The following SCN9A variants were observed in gnomAD, a reference collection of about 807,000 sequenced individuals.
The protein encoded by SCN9A is sodium voltage-gated channel alpha subunit 9.
Under a neutral mutation model 187.0 loss-of-function variants are expected in SCN9A, and 131 were observed. That is an observed-to-expected ratio of 0.70 (90% CI 0.61 to 0.81). The LOEUF is 0.81. SCN9A is among the 30% of genes least tolerant of loss of function. SCN9A has a pLI of 0.00. For synonymous variants in SCN9A, 809 were observed against 808.6 expected (o/e 1.00, Z -0.01); for missense variants, 2,252 against 2,396.6 (o/e 0.94, Z 1.26).
chr2:166,250,714 T>A (rs115731602), intron 18 of SCN9A, among the ~76,000 whole-genome samples: 2,117 of 151,960 alleles, frequency 0.014, 48 homozygotes, highest in African/African-American at 0.048. Context: ...TAGAAGGAGG[T>A]ACTGTTACAA....
At chr2:166,338,008 A>G (rs150590478) in intron 1 of SCN9A, among the ~76,000 whole-genome samples, 281 of 152,252 alleles carry the variant, frequency 1.8e-3, no homozygotes, top group African/African-American at 6.4e-3. Flanking sequence ...GAAGAGGTCT[A>G]TGGACTACTT....
chr2:166,228,247 CTTTTTTTTT>C (rs33924683), intron 22 of SCN9A, among the ~76,000 whole-genome samples: 1 of 85,970 alleles, frequency 1.2e-5, no homozygotes, highest in African/African-American at 4.6e-5. Flanking sequence ...AAGACCAACA[CTTTTTTTTT>C]TTTTTTTTTT....
intron 5 of SCN9A, 61 bp from the exon 6 acceptor site, chr2:166,304,390 C>T: frequency 7.7e-6 from 11 of 1,425,812 alleles, no homozygotes; most frequent in Non-Finnish European, 1.1e-5. Flanking sequence ...TTACCTGAGC[C>T]TTTAGTCAAG....
intron 1 of SCN9A, among the ~76,000 whole-genome samples, chr2:166,370,475 G>A (rs1037442957): frequency 4.0e-5 from 6 of 151,128 alleles, no homozygotes; most frequent in Non-Finnish European, 7.4e-5. Context: ...CCCAGGACGC[G>A]GAGCTTGCAG....
chr2:166,233,364 G>T lies in SCN9A; in HGVS notation c.3900C>A (p.Ala1300=). The T allele has an allele frequency of 6.4e-7, 1 of 1,554,458 alleles. No homozygotes were observed. The highest frequency in any genetic ancestry group is 2.0e-5 in the Admixed American group (1 of 49,076). Residue 1300 remains alanine (A), a synonymous_variant, in exon 21 of 27, where the codon GCC becomes GCA. Coordinates refer to ENST00000642356, the MANE Select transcript of SCN9A (RefSeq NM_001365536.1). ...RTLRALRPLR[A]LSRFEGMRVV... ...CCCTCATTCCTTCAAATCTAGATAA[G>T]GCTCTTAGAGGTCTTAAAGCTCTCA...
In SCN9A at chr2:166,210,254, A is replaced by G. The variant is rs182065949; in HGVS notation, c.4399-5790T>C. ...TCTCACTCATAGGTGGGAATTGAAC[A>G]ATGAGAACACATGGACACAGGAAGG... On this transcript the variant is annotated intron_variant, in intron 24 of 26. Transcript: ENST00000642356. Among the ~76,000 whole-genome samples the G allele has an allele frequency of 3.9e-3, 591 of 152,140 alleles. 4 individuals carry two copies. Among genetic ancestry groups the G allele is most frequent in the African/African-American group, 0.014 (566 of 41,500 alleles).
At chr2:166,205,929 G>C (rs527702216) in intron 24 of SCN9A, among the ~76,000 whole-genome samples, 1 of 152,188 alleles carries the variant, frequency 6.6e-6, no homozygotes, top group Non-Finnish European at 1.5e-5. Context: ...ATCATCACTG[G>C]TCATCAGAGA....
At chr2:166,368,601 C>G (rs541702079) in intron 1 of SCN9A, among the ~76,000 whole-genome samples, 3 of 151,140 alleles carry the variant, frequency 2.0e-5, no homozygotes, top group Admixed American at 2.0e-4. Context: ...CCACTGCACT[C>G]CAGCCTGGGC....
At chr2:166,278,718 G>C (rs1429732230) in intron 14 of SCN9A, among the ~76,000 whole-genome samples, 1 of 151,506 alleles carries the variant, frequency 6.6e-6, no homozygotes, top group South Asian at 2.1e-4. Flanking sequence ...TTTTTTTTCT[G>C]ATCTGACTAC....
At chr2:166,249,578 G>A (rs1695945412) in intron 18 of SCN9A, among the ~76,000 whole-genome samples, 1 of 152,024 alleles carries the variant, frequency 6.6e-6, no homozygotes, top group Non-Finnish European at 1.5e-5. Flanking sequence ...AATGGTCCAA[G>A]CCCAGGTTCA....
rs1232643540 is a variant in SCN9A, at chr2:166,294,605, T to C, written c.959A>G (p.Asp320Gly). Reference sequence around the variant, plus strand: ...GAAAACAAATATTACATACCCTGAATCTGTGCTGAAACCACAAAGGAGAGC... The same window carrying C: ...GAAAACAAATATTACATACCCTGAACCTGTGCTGAAACCACAAAGGAGAGC... ...KDALLCGFST[D>G]SGQCPEGYTC... The change falls in exon 8 of 27, where the codon GAT becomes GGT. Residue 320 changes from aspartate (D) to glycine (G), a missense_variant. Coordinates refer to ENST00000642356, the MANE Select transcript of SCN9A (RefSeq NM_001365536.1). The C allele has an allele frequency of 6.2e-7, 1 of 1,609,482 alleles. No individual in the cohort carries two copies. Among genetic ancestry groups the C allele is most frequent in the Admixed American group, 1.7e-5 (1 of 59,882 alleles).
intron 1 of SCN9A, among the ~76,000 whole-genome samples, chr2:166,371,796 C>T (rs1194079015): frequency 6.6e-6 from 1 of 151,988 alleles, no homozygotes; most frequent in Non-Finnish European, 1.5e-5. Context: ...TACACAGATG[C>T]CCTCCAATAC....
At chr2:166,337,904 C>T (rs1484031073) in intron 1 of SCN9A, among the ~76,000 whole-genome samples, 1 of 152,024 alleles carries the variant, frequency 6.6e-6, no homozygotes, top group East Asian at 1.9e-4. Flanking sequence ...TCAATACATA[C>T]CTCTATTATT....
intron 17 of SCN9A, among the ~76,000 whole-genome samples, chr2:166,269,387 T>C (rs1696878010): frequency 6.6e-6 from 1 of 152,146 alleles, no homozygotes; most frequent in Middle Eastern, 3.4e-3. Flanking sequence ...GCTGCATGGC[T>C]TTATACCCCA....
chr2:166,228,809 T>C lies in SCN9A; in HGVS notation c.4088A>G (p.Gln1363Arg), dbSNP rs776967928. ...TTDGSRFPAS[Q>R]VPNRSECFAL... is the part of the protein sequence containing the mutation. ...AAAACATTCGGAACGATTTGGAACT[T>C]GACTTGCAGGAAACCGTGACCCATC... The change falls in exon 22 of 27, where the codon CAA becomes CGA. Residue 1363 changes from glutamine (Q) to arginine (R), a missense_variant. Physicochemically the swap from Gln to Arg is conservative, Grantham distance 43. Coordinates refer to ENST00000642356, the MANE Select transcript of SCN9A (RefSeq NM_001365536.1). The C allele has an allele frequency of 1.2e-6, 2 of 1,613,928 alleles. 1 individual carries two copies. Among genetic ancestry groups the C allele is most frequent in the South Asian group, 2.2e-5 (2 of 91,082 alleles).
At chr2:166,328,089 A>G (rs932859726) in intron 1 of SCN9A, among the ~76,000 whole-genome samples, 1 of 152,122 alleles carries the variant, frequency 6.6e-6, no homozygotes, top group Admixed American at 6.6e-5. Flanking sequence ...CAGACCTGTC[A>G]TTTGGTTTTG....
At chr2:166,317,045 C>T (rs973792842) in intron 1 of SCN9A, among the ~76,000 whole-genome samples, 5 of 151,738 alleles carry the variant, frequency 3.3e-5, no homozygotes, top group Non-Finnish European at 7.4e-5. Context: ...CCAGGTTATA[C>T]ACACAGATAG....
rs557669888 is a variant in SCN9A, at chr2:166,345,499, G to A, written c.-51+30198C>T. On this transcript the variant is annotated intron_variant, in intron 1 of 26. Transcript: ENST00000642356. The stretch of plus-strand genomic sequence containing the variant: ...TTTTGAAAACTTTCACCACGTTGAG[G>A]TCAGTATGCTCTTGAAAAAAAGTAA... 7.9e-5 allele frequency among the ~76,000 whole-genome samples: 12 copies of A among 151,666 alleles called. No homozygotes were observed. The South Asian group carries it at 1.5e-3, about 18-fold the overall frequency.
At chr2:166,292,022 A>G (rs1318184288) in intron 9 of SCN9A, among the ~76,000 whole-genome samples, 2 of 152,218 alleles carry the variant, frequency 1.3e-5, no homozygotes, top group Non-Finnish European at 2.9e-5. Flanking sequence ...CAAAGACTTC[A>G]TGACAAAAAT....
Sources: allele counts gnomAD v4.1 joint callset (sites outside exome capture counted in the v4.1 genomes callset), GRCh38; gene constraint gnomAD v4.1.1; transcripts MANE v1.5; gene names NCBI Gene and HGNC (gene_info 2026-07-23, HGNC 2026-07-21).